The following RASAL2 variants were observed in gnomAD, a reference collection of about 807,000 sequenced individuals.
RASAL2 encodes the protein RAS protein activator like 2.
A neutral mutation model predicts 128.9 loss-of-function variants in RASAL2; 58 were observed. The observed-to-expected ratio is 0.45, with a 90% confidence interval of 0.36 to 0.56. The LOEUF (loss-of-function observed/expected upper bound fraction) is 0.56, where lower values mean the gene tolerates loss of function less well. Among genes scored for constraint, RASAL2 ranks in the 20% least tolerant of loss-of-function variants. The pLI is 0.00. For missense variants in RASAL2, 1,360 were observed against 1,601.6 expected, an observed-to-expected ratio of 0.85 and a Z score of 2.57; for synonymous variants, 561 against 580.8, an observed-to-expected ratio of 0.97 and a Z score of 0.49.
At position 178,473,281 on chromosome 1, in the gene RASAL2, C is replaced by G. The variant is rs1364555568; in HGVS notation, c.*42C>G. ...AAGGAGACAGAAGGAAATTGACCCA[C>G]TCTCCTATCTCCAGACCTTTACCTA... On this transcript the variant is annotated 3_prime_UTR_variant, in exon 18 of 18. Transcript: ENST00000367649. 6.2e-7 allele frequency: 1 copy of G among 1,608,122 alleles called. No homozygotes were observed. The highest frequency in any genetic ancestry group is 2.2e-5 in the East Asian group (1 of 44,840).
At chr1:178,149,220 A>G (rs1453453911) in intron 1 of RASAL2, among the ~76,000 whole-genome samples, 1 of 152,184 alleles carries the variant, frequency 6.6e-6, no homozygotes, top group Non-Finnish European at 1.5e-5. Context: ...ATAATATAAG[A>G]AGAGTTTATG....
chr1:178,180,060 A>C (rs2101926480), intron 1 of RASAL2, among the ~76,000 whole-genome samples: 1 of 152,298 alleles, frequency 6.6e-6, no homozygotes. Context: ...ATTATGAAAT[A>C]CTTATTAATC....
intron 1 of RASAL2, among the ~76,000 whole-genome samples, chr1:178,271,812 C>T (rs1666273256): frequency 6.6e-6 from 1 of 152,272 alleles, no homozygotes; most frequent in African/African-American, 2.4e-5. Context: ...TTTGCATGAT[C>T]TTGCCCCAAA....
intron 3 of RASAL2, among the ~76,000 whole-genome samples, chr1:178,379,771 C>G (rs912527122): frequency 6.6e-6 from 1 of 151,882 alleles, no homozygotes; most frequent in Non-Finnish European, 1.5e-5. Flanking sequence ...GATGTTCTTG[C>G]AAAAATTTTC....
chr1:178,191,847 C>T (rs1484595074), intron 1 of RASAL2, among the ~76,000 whole-genome samples: 2 of 152,084 alleles, frequency 1.3e-5, no homozygotes, highest in Non-Finnish European at 2.9e-5. Flanking sequence ...AAATAAAAAA[C>T]GAATGAATTG....
intron 1 of RASAL2, among the ~76,000 whole-genome samples, chr1:178,197,209 A>T (rs1571615926): frequency 1.3e-5 from 2 of 151,828 alleles, no homozygotes; most frequent in Non-Finnish European, 2.9e-5. Flanking sequence ...TGTAATCCCA[A>T]AACTTTGGGG....
In RASAL2 at chr1:178,411,189, CACA is replaced by C. The variant is rs1557967946; in HGVS notation, c.565-9321_565-9319del. 4.7e-4 allele frequency among the ~76,000 whole-genome samples: 71 copies of C among 150,514 alleles called. No individual in the cohort carries two copies. The South Asian group carries it at 7.3e-3, about 15-fold the overall frequency. ...GTACACACACACACACACACACACA[CACA>C]CCCCATGGAATACTACTCAGTCACA... On this transcript the variant is annotated intron_variant, in intron 4 of 17. Transcript: ENST00000367649.
At chr1:178,442,622 T>G (rs965959127) in intron 7 of RASAL2, 53 bp from the exon 8 acceptor site, 99 of 1,473,342 alleles carry the variant, frequency 6.7e-5, no homozygotes, top group East Asian at 5.3e-4. Flanking sequence ...GAAAAAAATG[T>G]TTTTTTTTCT....
intron 3 of RASAL2, among the ~76,000 whole-genome samples, chr1:178,355,225 G>T (rs1339662092): frequency 6.6e-6 from 1 of 152,200 alleles, no homozygotes; most frequent in Non-Finnish European, 1.5e-5. Flanking sequence ...TGCTCTGTCA[G>T]CTATTAAGGC....
At chr1:178,226,009 AC>A in intron 1 of RASAL2, among the ~76,000 whole-genome samples, 1 of 152,322 alleles carries the variant, frequency 6.6e-6, no homozygotes, top group Non-Finnish European at 1.5e-5. Flanking sequence ...AAATCTTGAT[AC>A]AGTTTTCTCT....
chr1:178,212,583 C>G (rs1369153728), intron 1 of RASAL2, among the ~76,000 whole-genome samples: 7 of 152,110 alleles, frequency 4.6e-5, no homozygotes, highest in Non-Finnish European at 1.0e-4. Context: ...CGTCCGCCTC[C>G]TGGGTTCAAG....
chr1:178,447,472 G>A (rs1378285718), intron 9 of RASAL2, among the ~76,000 whole-genome samples: 2 of 151,622 alleles, frequency 1.3e-5, no homozygotes, highest in African/African-American at 2.4e-5. Flanking sequence ...TCAGGAGTTC[G>A]AGACCAGCCT....
intron 1 of RASAL2, among the ~76,000 whole-genome samples, chr1:178,243,623 C>T (rs1402568628): frequency 6.8e-6 from 1 of 147,806 alleles, no homozygotes. Context: ...AAAAAAATGA[C>T]AACAACAAAA....
intron 1 of RASAL2, among the ~76,000 whole-genome samples, chr1:178,232,017 A>G (rs1664029819): frequency 6.6e-6 from 1 of 152,200 alleles, no homozygotes; most frequent in South Asian, 2.1e-4. Flanking sequence ...CGACCATAAT[A>G]AGAAAAAGAC....
chr1:178,360,194 C>T (rs1350660666), intron 3 of RASAL2, among the ~76,000 whole-genome samples: 1 of 152,140 alleles, frequency 6.6e-6, no homozygotes, highest in Non-Finnish European at 1.5e-5. Flanking sequence ...AGGAGATAGC[C>T]AGCCAGTTCT....
At chr1:178,211,337 C>T (rs1414661469) in intron 1 of RASAL2, among the ~76,000 whole-genome samples, 1 of 152,124 alleles carries the variant, frequency 6.6e-6, no homozygotes, top group Non-Finnish European at 1.5e-5. Flanking sequence ...CTACCTTGAT[C>T]CTTATCCCTT....
At chr1:178,281,567 G>T (rs748285448) in intron 1 of RASAL2, among the ~76,000 whole-genome samples, 16 of 152,084 alleles carry the variant, frequency 1.1e-4, no homozygotes, top group Non-Finnish European at 4.4e-5. Flanking sequence ...TATGGACAGG[G>T]TTTATCAGTG....
intron 2 of RASAL2, among the ~76,000 whole-genome samples, chr1:178,298,911 G>GAA (rs150584915): frequency 2.1e-5 from 3 of 143,106 alleles, no homozygotes; most frequent in African/African-American, 7.7e-5. Flanking sequence ...AGGATTACCA[G>GAA]AAAAAAAAAA....
chr1:178,143,781 C>A (rs1268830417), intron 1 of RASAL2, among the ~76,000 whole-genome samples: 1 of 148,500 alleles, frequency 6.7e-6, no homozygotes, highest in Non-Finnish European at 1.5e-5. Flanking sequence ...AAGTAGAATA[C>A]ATTCATGTAT....
Sources: allele counts gnomAD v4.1 joint callset (sites outside exome capture counted in the v4.1 genomes callset), GRCh38; gene constraint gnomAD v4.1.1; transcripts MANE v1.5; gene names NCBI Gene and HGNC (gene_info 2026-07-23, HGNC 2026-07-21).